DPP6: variants seen among roughly 807,000 people sequenced by gnomAD.
The protein encoded by DPP6 is dipeptidyl peptidase like 6, also known as A-type potassium channel modulatory protein DPP6.
Under a neutral mutation model 122.6 loss-of-function variants are expected in DPP6, and 69 were observed. The observed-to-expected ratio is 0.56, with a 90% CI of 0.46 to 0.69. The LOEUF is 0.69. DPP6 is among the 30% of genes least tolerant of loss of function. The pLI is 0.00. For synonymous variants in DPP6, 418 were observed against 433.1 expected, an observed-to-expected ratio of 0.97 and a Z score of 0.43; for missense variants, 928 against 1,116.9, an observed-to-expected ratio of 0.83 and a Z score of 2.41.
chr7:154,567,377 T>C (rs895857723), intron 5 of DPP6, among the ~76,000 whole-genome samples: 1 of 152,248 alleles, frequency 6.6e-6, no homozygotes, highest in African/African-American at 2.4e-5. Context: ...TGCCTATTTT[T>C]AGCACTTCCT....
At chr7:154,795,036 GCCTGA>G (rs922941702) in intron 11 of DPP6, among the ~76,000 whole-genome samples, 5 of 152,196 alleles carry the variant, frequency 3.3e-5, no homozygotes, top group Middle Eastern at 3.4e-3. Flanking sequence ...GGTCAGTCTT[GCCTGA>G]CCTTTTATCT....
the DPP6 span, among the ~76,000 whole-genome samples, chr7:153,771,408 G>T: frequency 2.0e-5 from 3 of 151,948 alleles, no homozygotes; most frequent in South Asian, 2.1e-4. Context: ...GGCACGATCT[G>T]GCCTCACTGT....
intron 1 of DPP6, among the ~76,000 whole-genome samples, chr7:154,169,940 T>G (rs920718142): frequency 1.3e-5 from 2 of 152,146 alleles, no homozygotes; most frequent in Non-Finnish European, 2.9e-5. Context: ...GCCAGGCTGG[T>G]CTTGAACTCG....
intron 1 of DPP6, among the ~76,000 whole-genome samples, chr7:154,027,762 G>T (rs943191487): frequency 9.2e-5 from 14 of 151,688 alleles, no homozygotes; most frequent in Admixed American, 3.3e-4. Context: ...CAGGTGGTTT[G>T]TCCCTTCTTC....
At chr7:154,685,472 C>T (rs1839542787) in intron 7 of DPP6, among the ~76,000 whole-genome samples, 1 of 152,130 alleles carries the variant, frequency 6.6e-6, no homozygotes, top group Admixed American at 6.5e-5. Context: ...TTGAAAGCTC[C>T]CCAGGGGCTT....
At chr7:153,879,289 T>C in the DPP6 span, among the ~76,000 whole-genome samples, 1 of 152,150 alleles carries the variant, frequency 6.6e-6, no homozygotes, top group Non-Finnish European at 1.5e-5. Context: ...GAATGTATAA[T>C]TGTGTGGATG....
chr7:154,867,610 T>C (rs761688694), intron 17 of DPP6, among the ~76,000 whole-genome samples: 8 of 152,244 alleles, frequency 5.3e-5, no homozygotes, highest in South Asian at 2.1e-4. Context: ...CTGGTTATTA[T>C]GGCCACAATT....
At chr7:154,302,870 A>C (rs1212498300) in intron 1 of DPP6, among the ~76,000 whole-genome samples, 1 of 151,948 alleles carries the variant, frequency 6.6e-6, no homozygotes, top group African/African-American at 2.4e-5. Flanking sequence ...TTCCTCCTGG[A>C]TATCACCCCT....
chr7:154,823,843 T>G (rs1429997877), intron 16 of DPP6, among the ~76,000 whole-genome samples: 4 of 152,226 alleles, frequency 2.6e-5, no homozygotes, highest in African/African-American at 9.6e-5. Context: ...CCCAGGCAGA[T>G]CCGGCACCTT....
rs2293355 is a variant in DPP6 at position 154,872,824 on chromosome 7, C to G, written c.1883+131C>G. The G allele has an allele frequency of 0.15, 228,417 of 1,490,894 alleles. 20,979 individuals are homozygous for G. Among genetic ancestry groups the G allele is most frequent in the East Asian group, 0.52 (21,022 of 40,460 alleles). The allele number at this position is 1,490,894 out of a possible 1,614,324, so 92.4% of individuals were successfully genotyped here. On this transcript the variant is annotated intron_variant, in intron 19 of 25. Coordinates refer to ENST00000377770, the MANE Select transcript of DPP6 (RefSeq NM_130797.4). ...ACATTGTTGCAAACTGAAAACATAA[C>G]ATCGTTTAGCCCAATGTCAGGTTCT...
chr7:154,001,000 C>CA (rs1345690872), intron 1 of DPP6, among the ~76,000 whole-genome samples: 1 of 152,182 alleles, frequency 6.6e-6, no homozygotes, highest in East Asian at 1.9e-4. Flanking sequence ...GGGCAGTTCT[C>CA]ATGAAGGGTT....
chr7:154,092,654 G>T (rs1032962457), intron 1 of DPP6: 1 of 152,198 alleles, frequency 6.6e-6, no homozygotes, highest in Non-Finnish European at 1.5e-5. Flanking sequence ...AGTGTGTCCT[G>T]CTGGCGATGG....
chr7:154,256,965 G>T (rs997200616), intron 1 of DPP6, among the ~76,000 whole-genome samples: 1 of 150,328 alleles, frequency 6.7e-6, no homozygotes, highest in Admixed American at 6.6e-5. Flanking sequence ...ATACCCCCTT[G>T]GGTTCTTTTT....
At chr7:153,827,050 A>G in the DPP6 span, among the ~76,000 whole-genome samples, 1 of 152,112 alleles carries the variant, frequency 6.6e-6, no homozygotes, top group Non-Finnish European at 1.5e-5. Flanking sequence ...CCAAGTGTTG[A>G]AGACCATGTT....
chr7:154,035,128 G>A (rs547939786), intron 1 of DPP6, among the ~76,000 whole-genome samples: 13 of 152,314 alleles, frequency 8.5e-5, no homozygotes, highest in Middle Eastern at 3.4e-3. Context: ...CCTAAGCTCC[G>A]CTTTCTGAGG....
At chr7:154,191,467 A>G (rs1351310773) in intron 1 of DPP6, among the ~76,000 whole-genome samples, 1 of 152,200 alleles carries the variant, frequency 6.6e-6, no homozygotes, top group African/African-American at 2.4e-5. Flanking sequence ...CAATGTGCGC[A>G]CACAAGGCCT....
At chr7:154,061,474 A>G (rs367599072) in intron 1 of DPP6, among the ~76,000 whole-genome samples, 1 of 133,244 alleles carries the variant, frequency 7.5e-6, no homozygotes. Context: ...CCCCCCTATT[A>G]GAGGGCCTTG....
At chr7:154,368,783 T>C (rs554694539) in intron 1 of DPP6, among the ~76,000 whole-genome samples, 1 of 152,374 alleles carries the variant, frequency 6.6e-6, no homozygotes, top group South Asian at 2.1e-4. Flanking sequence ...CTGATGTTAG[T>C]AACAAGAACA....
chr7:154,289,187 C>T (rs575804476), intron 1 of DPP6, among the ~76,000 whole-genome samples: 5 of 152,262 alleles, frequency 3.3e-5, no homozygotes, highest in South Asian at 2.1e-4. Context: ...CAAATAGAAT[C>T]GCCTAGGTTG....
Sources: allele counts gnomAD v4.1 joint callset (sites outside exome capture counted in the v4.1 genomes callset), GRCh38; gene constraint gnomAD v4.1.1; transcripts MANE v1.5; gene names NCBI Gene and HGNC (gene_info 2026-07-23, HGNC 2026-07-21).